NEURL1: variants seen among roughly 807,000 people sequenced by gnomAD.
The protein encoded by NEURL1 is E3 ubiquitin-protein ligase NEURL1.
A neutral mutation model predicts 41.2 loss-of-function variants in NEURL1; 26 were observed. That is an observed-to-expected ratio of 0.63 (90% confidence interval 0.46 to 0.87). NEURL1 has a LOEUF of 0.87. Among genes scored for constraint, NEURL1 ranks in the 40% least tolerant of loss-of-function variants. The pLI, the probability that NEURL1 is intolerant of heterozygous loss-of-function variation, is 0.00. For synonymous variants in NEURL1, 400 were observed against 402.3 expected (o/e 0.99, Z 0.07); for missense variants, 761 against 871.1 (o/e 0.87, Z 1.59).
chr10:103,522,508 G>C (rs142282976), intron 1 of NEURL1, among the ~76,000 whole-genome samples: 1 of 150,586 alleles, frequency 6.6e-6, no homozygotes. Context: ...CCAGCTACTC[G>C]GGAGAGTCAC....
At chr10:103,559,857 CAT>C (rs60082205) in intron 1 of NEURL1, among the ~76,000 whole-genome samples, 31,959 of 151,646 alleles carry the variant, frequency 0.21, 3,570 homozygotes, top group South Asian at 0.32. Flanking sequence ...CACACACACA[CAT>C]GTACATGTAC....
chr10:103,514,007 T>C (rs913825659), intron 1 of NEURL1, among the ~76,000 whole-genome samples: 4 of 152,188 alleles, frequency 2.6e-5, no homozygotes, highest in Non-Finnish European at 4.4e-5. Flanking sequence ...TTCCCCCATC[T>C]GTCCCAGAGG....
At position 103,584,774 on chromosome 10, in the gene NEURL1, C is replaced by G. The variant is rs1398897124; in HGVS notation, c.888C>G (p.Phe296Leu). ...LPAQLDGDLR[F>L]HALRAGAHVR... ...CGCAGCTCGACGGCGACCTGCGTTT[C>G]CACGCCCTGCGCGCCGGCGCGCACG... Residue 296 changes from phenylalanine (F) to leucine (L), a missense_variant, in exon 4 of 6, where the codon TTC becomes TTG. By Grantham distance (22) the Phe-to-Leu change is conservative (BLOSUM62 0). This residue lies in a region of NEURL1 where 443 missense variants were observed against 408.1 expected (regional missense o/e 1.09). Transcript: ENST00000369780. 21 of 1,446,812 alleles carry G rather than the reference C, an allele frequency of 1.5e-5. No individual in the cohort carries two copies. Among genetic ancestry groups the G allele is most frequent in the Non-Finnish European group, 1.9e-5 (21 of 1,104,706 alleles). 89.6% of individuals were successfully genotyped at this position (1,446,812 alleles called of 1,614,324 possible).
In NEURL1 at chr10:103,571,611, G is replaced by C. The variant is rs916336912; in HGVS notation, c.438G>C (p.Leu146=). 5 of 1,613,998 alleles carry C rather than the reference G, an allele frequency of 3.1e-6. No individual in the cohort carries two copies. Among genetic ancestry groups the C allele is most frequent in the African/African-American group, 2.7e-5 (2 of 74,936 alleles). Residue 146 remains leucine, a synonymous_variant, in exon 3 of 6, where the codon CTG becomes CTC. Transcript: ENST00000369780. ...TGCCCAAGTACGCCTGCCCCGACCTGGTGTCCCAGAGTGGCTTCTGGGCCA... is the reference window on the plus strand; with the variant it reads ...TGCCCAAGTACGCCTGCCCCGACCTCGTGTCCCAGAGTGGCTTCTGGGCCA... ...DSLPKYACPD[L]VSQSGFWAKA...
chr10:103,515,190 C>T (rs951376161), intron 1 of NEURL1, among the ~76,000 whole-genome samples: 6 of 142,428 alleles, frequency 4.2e-5, no homozygotes, highest in African/African-American at 1.6e-4. Flanking sequence ...ATCACGCCGC[C>T]GTACTCCAGT....
At chr10:103,544,687 T>C (rs1197515393) in intron 1 of NEURL1, among the ~76,000 whole-genome samples, 3 of 152,200 alleles carry the variant, frequency 2.0e-5, no homozygotes, top group Non-Finnish European at 4.4e-5. Context: ...AAGAGCTCTC[T>C]TCCCCAGAGG....
At chr10:103,523,706 T>C (rs181384457) in intron 1 of NEURL1, among the ~76,000 whole-genome samples, 1,843 of 152,312 alleles carry the variant, frequency 0.012, 25 homozygotes, top group Non-Finnish European at 0.019. Flanking sequence ...TATTTATCTT[T>C]CTGTACCTGG....
At chr10:103,528,975 C>G (rs1019043752) in intron 1 of NEURL1, among the ~76,000 whole-genome samples, 3 of 152,150 alleles carry the variant, frequency 2.0e-5, no homozygotes, top group African/African-American at 7.2e-5. Flanking sequence ...CTTGTTTCTT[C>G]TGAGCAGCAG....
At chr10:103,519,124 G>A (rs1395954078) in intron 1 of NEURL1, among the ~76,000 whole-genome samples, 1 of 152,024 alleles carries the variant, frequency 6.6e-6, no homozygotes, top group East Asian at 1.9e-4. Flanking sequence ...GCGGGTGCCT[G>A]TAATCCCAGC....
At position 103,571,083 on chromosome 10, in the gene NEURL1, G is replaced by A. The variant is rs755512399; in HGVS notation, c.297G>A (p.Pro99=). 44 of 1,613,568 alleles carry A rather than the reference G, an allele frequency of 2.7e-5. No homozygotes were observed. The South Asian group carries it at 3.0e-4, about 11-fold the overall frequency. ...ACGCCATCACCTTCAGCAACCGCCC[G>A]GTCCTCATCTACGAGCAAGTCAGGC... is the stretch of plus-strand genomic sequence containing the variant. The part of the protein sequence containing the change: ...FCNAITFSNR[P]VLIYEQVRLK... The change falls in exon 2 of 6, where the codon CCG becomes CCA. Residue 99 remains proline (P), a synonymous_variant. Coordinates refer to ENST00000369780, the MANE Select transcript of NEURL1 (RefSeq NM_004210.5).
At chr10:103,497,972 G>T (rs1027340597) in intron 1 of NEURL1, among the ~76,000 whole-genome samples, 1 of 152,194 alleles carries the variant, frequency 6.6e-6, no homozygotes, top group Non-Finnish European at 1.5e-5. Context: ...AAGGGATGCA[G>T]CAGAGTCCTA....
chr10:103,584,768 G>T lies in NEURL1; in HGVS notation c.882G>T (p.Leu294=), dbSNP rs1298009765. 5 of 1,451,866 alleles carry T rather than the reference G, an allele frequency of 3.4e-6. No homozygotes were observed. Among genetic ancestry groups the T allele is most frequent in the Non-Finnish European group, 4.5e-6 (5 of 1,106,476 alleles). 89.9% of individuals were successfully genotyped at this position (1,451,866 alleles called of 1,614,324 possible). A position where few individuals can be genotyped will look rare whatever the true frequency, so the allele number is the denominator to read the frequency against. ...RALPAQLDGD[L]RFHALRAGAH... ...TGCCGGCGCAGCTCGACGGCGACCT[G>T]CGTTTCCACGCCCTGCGCGCCGGCG... The change falls in exon 4 of 6, where the codon CTG becomes CTT. Residue 294 remains leucine (L), a synonymous_variant. Transcript: ENST00000369780.
At position 103,508,424 on chromosome 10, in the gene NEURL1, T is replaced by A. The variant is rs1264973025; in HGVS notation, c.85+13952T>A. On this transcript the variant is annotated intron_variant, in intron 1 of 5. Transcript: ENST00000369780. This position sits in a 1 kb window ranked among gnomAD's most constrained non-coding sequence, Gnocchi z 4.3. ...ATCCTCAGGATACAGCTAGGACCTC[T>A]TTCTGTCTCTGAGCGCCCTGACTTC... 2.6e-5 allele frequency among the ~76,000 whole-genome samples: 4 copies of A among 152,192 alleles called. No individual in the cohort carries two copies. The highest frequency in any genetic ancestry group is 7.2e-5 in the African/African-American group (3 of 41,436).
At chr10:103,568,057 T>C (rs2133876018) in intron 1 of NEURL1, among the ~76,000 whole-genome samples, 1 of 152,288 alleles carries the variant, frequency 6.6e-6, no homozygotes, top group Non-Finnish European at 1.5e-5. Context: ...ATGAACGGCC[T>C]AGGGTTGGGA....
intron 1 of NEURL1, among the ~76,000 whole-genome samples, chr10:103,565,351 C>T (rs1224469604): frequency 6.6e-6 from 1 of 152,220 alleles, no homozygotes; most frequent in East Asian, 1.9e-4. Flanking sequence ...GACAGCTGCT[C>T]AGGCCGGGCC....
chr10:103,571,232 C>G, intron 2 of NEURL1, 119 bp downstream of exon 2: 1 of 1,031,926 alleles, frequency 9.7e-7, no homozygotes, highest in Non-Finnish European at 1.4e-6. Flanking sequence ...GCACCACACC[C>G]TGCCCCTGCC....
intron 1 of NEURL1, among the ~76,000 whole-genome samples, chr10:103,570,629 G>A (rs1257027057): frequency 1.3e-5 from 2 of 151,118 alleles, no homozygotes; most frequent in Non-Finnish European, 3.0e-5. Flanking sequence ...GGTGGGAGGT[G>A]ATGGAGAATG....
At chr10:103,551,136 C>T (rs2035024360) in intron 1 of NEURL1, among the ~76,000 whole-genome samples, 2 of 152,090 alleles carry the variant, frequency 1.3e-5, no homozygotes, top group South Asian at 4.2e-4. Context: ...CGTCCATGCC[C>T]GTTTTACACC....
At chr10:103,521,242 G>C (rs753614082) in intron 1 of NEURL1, among the ~76,000 whole-genome samples, 1 of 152,104 alleles carries the variant, frequency 6.6e-6, no homozygotes, top group Admixed American at 6.6e-5. Context: ...ATAAAGGGCC[G>C]GTCCGTTATT....
Sources: allele counts gnomAD v4.1 joint callset (sites outside exome capture counted in the v4.1 genomes callset), GRCh38; gene constraint gnomAD v4.1.1; regional missense constraint gnomAD v4.1.1; non-coding constraint Gnocchi (gnomAD v3.1); transcripts MANE v1.5; gene names NCBI Gene and HGNC (gene_info 2026-07-23, HGNC 2026-07-21).